TMEM272: variants seen among roughly 807,000 people sequenced by gnomAD.
TMEM272 encodes the protein transmembrane protein 272, also known as long intergenic non-protein coding RNA 282.
A neutral mutation model predicts 3.7 loss-of-function variants in TMEM272; 8 were observed. That is an observed-to-expected ratio of 2.17 (90% confidence interval 1.27 to 3.91). The LOEUF (loss-of-function observed/expected upper bound fraction) is 3.91, where lower values mean the gene tolerates loss of function less well. Among genes scored for constraint, TMEM272 ranks in the 30% most tolerant of loss-of-function variants. The probability of loss-of-function intolerance (pLI) is 0.00; values close to 1 mark genes in which losing one functional copy is unlikely to be tolerated. For synonymous variants in TMEM272, 63 were observed against 39.8 expected (o/e 1.58, Z -2.20); for missense variants, 166 against 91.5 (o/e 1.81, Z -3.32).
the TMEM272 span, among the ~76,000 whole-genome samples, chr13:51,901,344 T>C: frequency 6.6e-6 from 1 of 152,116 alleles, no homozygotes; most frequent in Non-Finnish European, 1.5e-5. Flanking sequence ...CCACATGGTC[T>C]AGAGTTCAAT....
chr13:51,907,685 C>T, the TMEM272 span, among the ~76,000 whole-genome samples: 1 of 152,260 alleles, frequency 6.6e-6, no homozygotes, highest in Non-Finnish European at 1.5e-5. Context: ...TACTGCCTCC[C>T]TATTCGGTGC....
At chr13:51,915,343 G>A in the TMEM272 span, among the ~76,000 whole-genome samples, 1 of 152,218 alleles carries the variant, frequency 6.6e-6, no homozygotes, top group Non-Finnish European at 1.5e-5. Flanking sequence ...CTGCCCTAAA[G>A]ATACAATAGC....
At chr13:51,911,344 T>TA in the TMEM272 span, among the ~76,000 whole-genome samples, 1 of 152,212 alleles carries the variant, frequency 6.6e-6, no homozygotes, top group Non-Finnish European at 1.5e-5. Flanking sequence ...AACTGTCCCA[T>TA]GCACGACTGA....
At position 51,813,441 on chromosome 13, in the gene TMEM272, C is replaced by T; in HGVS notation, c.*3310G>A. On this transcript the variant is annotated 3_prime_UTR_variant, in exon 5 of 5. Coordinates refer to ENST00000629372, the MANE Select transcript of TMEM272 (RefSeq NM_001351003.2). ...TTACACAAAGATGAAAGCTATTGACCACTTGGCCACTTCTCATACTAAAAG... is the reference window on the plus strand; with the variant it reads ...TTACACAAAGATGAAAGCTATTGACTACTTGGCCACTTCTCATACTAAAAG... The T allele has an allele frequency of 2.5e-6, 1 of 394,168 alleles. No homozygotes were observed. The highest frequency in any genetic ancestry group is 2.1e-5 in the African/African-American group (1 of 48,624). 24.4% of individuals were successfully genotyped at this position (394,168 alleles called of 1,614,324 possible).
At chr13:51,832,801 A>G (rs560898713) in intron 2 of TMEM272, among the ~76,000 whole-genome samples, 130 of 152,222 alleles carry the variant, frequency 8.5e-4, no homozygotes, top group Non-Finnish European at 1.1e-3. Flanking sequence ...ATATAGATGA[A>G]CTTCTTTATA....
At chr13:51,901,863 A>C in the TMEM272 span, among the ~76,000 whole-genome samples, 2 of 152,184 alleles carry the variant, frequency 1.3e-5, no homozygotes, top group African/African-American at 4.8e-5. Flanking sequence ...GTGTGTTTAC[A>C]TTCCAAATTT....
the TMEM272 span, chr13:51,909,127 G>A: frequency 6.9e-7 from 1 of 1,450,752 alleles, no homozygotes; most frequent in South Asian, 1.1e-5. Context: ...AGTGCATAAG[G>A]ATCTTTTTCT....
chr13:51,865,398 G>A, the TMEM272 span: 210 of 1,600,016 alleles, frequency 1.3e-4, 1 homozygote, highest in Admixed American at 6.2e-4. Flanking sequence ...CCGCCATTCC[G>A]GCTGATAAGG....
At chr13:51,887,375 C>G in the TMEM272 span, among the ~76,000 whole-genome samples, 1 of 152,004 alleles carries the variant, frequency 6.6e-6, no homozygotes, top group Non-Finnish European at 1.5e-5. Flanking sequence ...GAATGGGGCC[C>G]CAAGATGGCA....
At chr13:51,818,179 T>C (rs894964083) in intron 4 of TMEM272, among the ~76,000 whole-genome samples, 1 of 152,086 alleles carries the variant, frequency 6.6e-6, no homozygotes, top group Non-Finnish European at 1.5e-5. Context: ...TGACGGAGGA[T>C]GTGGCCGACT....
chr13:51,892,030 C>T, the TMEM272 span, among the ~76,000 whole-genome samples: 3 of 152,278 alleles, frequency 2.0e-5, no homozygotes, highest in South Asian at 6.2e-4. Flanking sequence ...TTGGCTTTCT[C>T]CCAGTGGCAA....
intron 2 of TMEM272, among the ~76,000 whole-genome samples, chr13:51,833,449 A>G (rs1956189586): frequency 6.6e-6 from 1 of 152,220 alleles, no homozygotes; most frequent in Admixed American, 6.5e-5. Flanking sequence ...CGGAGTGAAG[A>G]GACCAGCGAA....
the TMEM272 span, among the ~76,000 whole-genome samples, chr13:51,917,923 T>C: frequency 0.031 from 4,693 of 152,270 alleles, 245 homozygotes; most frequent in African/African-American, 0.11. Context: ...GATGTTTCAG[T>C]AACTTCTTTC....
rs979513672 is a variant in TMEM272, at chr13:51,814,336, T to A, written c.*2415A>T. ...CACCATCTCCTGAGGGAGGCCTTAA[T>A]CAGTTATCATTCAAAGCCTGCTGCG... On this transcript the variant is annotated 3_prime_UTR_variant, in exon 5 of 5. Transcript: ENST00000629372. The A allele has an allele frequency of 1.3e-5, 2 of 152,270 alleles. No homozygotes were observed. Among genetic ancestry groups the A allele is most frequent in the Non-Finnish European group, 2.9e-5 (2 of 68,058 alleles). The allele number at this position is 152,270 out of a possible 1,614,324, so 9.4% of individuals were successfully genotyped here.
the TMEM272 span, among the ~76,000 whole-genome samples, chr13:51,868,653 G>A: frequency 6.6e-6 from 1 of 152,238 alleles, no homozygotes; most frequent in Non-Finnish European, 1.5e-5. Context: ...GAACTCCTGA[G>A]AGAGTTCCTG....
intron 2 of TMEM272, among the ~76,000 whole-genome samples, chr13:51,828,392 C>T (rs949987241): frequency 6.6e-6 from 1 of 152,228 alleles, no homozygotes; most frequent in Non-Finnish European, 1.5e-5. Flanking sequence ...CAGCTCTGAT[C>T]TTGCTACCCA....
chr13:51,838,392 C>A (rs1441251073), intron 2 of TMEM272, 81 bp downstream of exon 2: 2 of 702,578 alleles, frequency 2.8e-6, no homozygotes, highest in Non-Finnish European at 5.2e-6. Context: ...CTCATATGAT[C>A]CACTCCAGCT....
At chr13:51,865,627 C>A in the TMEM272 span, 2 of 1,613,972 alleles carry the variant, frequency 1.2e-6, no homozygotes, top group South Asian at 1.1e-5. Context: ...GGGGCCAGAT[C>A]CTGGGTTTTT....
At chr13:51,881,187 G>A in the TMEM272 span, among the ~76,000 whole-genome samples, 3 of 152,292 alleles carry the variant, frequency 2.0e-5, no homozygotes, top group South Asian at 6.2e-4. Flanking sequence ...CACACATGCT[G>A]AGGCTCTTAC....
Sources: allele counts gnomAD v4.1 joint callset (sites outside exome capture counted in the v4.1 genomes callset), GRCh38; gene constraint gnomAD v4.1.1; transcripts MANE v1.5; gene names NCBI Gene and HGNC (gene_info 2026-07-23, HGNC 2026-07-21).